TRHDE: variants seen among roughly 807,000 people sequenced by gnomAD.
TRHDE encodes the protein thyrotropin releasing hormone degrading enzyme, also known as thyrotropin-releasing hormone-degrading ectoenzyme.
Under a neutral mutation model 125.7 loss-of-function variants are expected in TRHDE, and 72 were observed. That is an observed-to-expected ratio of 0.57 (90% CI 0.47 to 0.70). The LOEUF (loss-of-function observed/expected upper bound fraction) is 0.70, where lower values mean the gene tolerates loss of function less well. Ranked by LOEUF, TRHDE falls within the 30% of genes least tolerant of loss-of-function variation. The pLI, the probability that TRHDE is intolerant of heterozygous loss-of-function variation, is 0.00. For synonymous variants in TRHDE, 509 were observed against 509.1 expected (o/e 1.00, Z 0.00); for missense variants, 1,110 against 1,327.1 (o/e 0.84, Z 2.54).
chr12:72,210,171 G>GATCTATCTATCTATCTATCT (rs3086840), intron 2 of TRHDE, among the ~76,000 whole-genome samples: 43 of 146,426 alleles, frequency 2.9e-4, no homozygotes, highest in Admixed American at 1.6e-3. Context: ...CTATAAGATT[G>GATCTATCTATCTATCTATCT]ATCTATCTAT....
In TRHDE at chr12:72,537,703, G is replaced by A. The variant is rs79720711; in HGVS notation, c.1723-4588G>A. ...ATGGGTTACTTCAAACCTACTTCCA[G>A]TCTTTCCAACTCATGTTATCTTCAG... On this transcript the variant is annotated intron_variant, in intron 6 of 18. Coordinates refer to ENST00000261180, the MANE Select transcript of TRHDE (RefSeq NM_013381.3). 2.2e-3 allele frequency among the ~76,000 whole-genome samples: 337 copies of A among 152,018 alleles called. 2 individuals are homozygous for A. The highest frequency in any genetic ancestry group is 7.6e-3 in the African/African-American group (316 of 41,500).
intron 2 of TRHDE, among the ~76,000 whole-genome samples, chr12:72,160,456 G>A (rs528887048): frequency 6.8e-4 from 103 of 152,174 alleles, no homozygotes; most frequent in African/African-American, 2.3e-3. Context: ...AGGCCAAGGC[G>A]CGTGGATCAC....
At chr12:72,442,358 A>G (rs1374577724) in intron 3 of TRHDE, among the ~76,000 whole-genome samples, 6 of 151,898 alleles carry the variant, frequency 4.0e-5, no homozygotes, top group African/African-American at 1.2e-4. Flanking sequence ...TTTGCAATCT[A>G]TGGAAGATTT....
intron 12 of TRHDE, among the ~76,000 whole-genome samples, chr12:72,611,609 G>A (rs74105931): frequency 0.015 from 2,315 of 152,198 alleles, 60 homozygotes; most frequent in African/African-American, 0.052. Flanking sequence ...CAAAGCTAGG[G>A]GTGAGGGTGA....
chr12:72,588,250 A>G (rs1871525240), intron 12 of TRHDE, among the ~76,000 whole-genome samples: 1 of 152,168 alleles, frequency 6.6e-6, no homozygotes, highest in African/African-American at 2.4e-5. Context: ...GTACATTTGG[A>G]AAAGAGTTAT....
chr12:72,512,278 G>A (rs1878610072), intron 6 of TRHDE, among the ~76,000 whole-genome samples: 1 of 150,876 alleles, frequency 6.6e-6, no homozygotes, highest in Admixed American at 6.7e-5. Flanking sequence ...TATGCAAAAA[G>A]CTTAGTTCTA....
chr12:72,211,310 G>A (rs1405007350), intron 2 of TRHDE, among the ~76,000 whole-genome samples: 2 of 152,164 alleles, frequency 1.3e-5, no homozygotes, highest in Admixed American at 1.3e-4. Flanking sequence ...TCTGGTTGAA[G>A]GGACTTACTT....
chr12:72,117,942 A>G (rs1354592081), intron 2 of TRHDE, among the ~76,000 whole-genome samples: 1 of 146,390 alleles, frequency 6.8e-6, no homozygotes, highest in Non-Finnish European at 1.5e-5. Flanking sequence ...ACTTTACTGC[A>G]TTTTTTTTTC....
At chr12:72,482,683 T>C (rs1877226866) in intron 5 of TRHDE, among the ~76,000 whole-genome samples, 2 of 151,908 alleles carry the variant, frequency 1.3e-5, no homozygotes, top group Admixed American at 1.3e-4. Flanking sequence ...TGGTGGAATA[T>C]TTTCATCTAA....
intron 3 of TRHDE, among the ~76,000 whole-genome samples, chr12:72,443,194 G>C (rs1164173687): frequency 5.7e-5 from 3 of 52,832 alleles, no homozygotes; most frequent in African/African-American, 2.7e-4. Flanking sequence ...CTTCTTTCCT[G>C]TGTGTGTGTG....
intron 18 of TRHDE, 72 bp from the exon 19 acceptor site, chr12:72,662,980 T>C: frequency 6.9e-7 from 1 of 1,441,684 alleles, no homozygotes; most frequent in South Asian, 1.3e-5. Flanking sequence ...AAATAGATTC[T>C]TGTTCATGTT....
At chr12:72,169,953 C>T (rs1405720546) in intron 2 of TRHDE, among the ~76,000 whole-genome samples, 3 of 152,096 alleles carry the variant, frequency 2.0e-5, no homozygotes, top group African/African-American at 7.2e-5. Flanking sequence ...AAGAAAAAGC[C>T]AGAGAATCAC....
At chr12:72,383,868 C>G (rs1334927167) in intron 3 of TRHDE, among the ~76,000 whole-genome samples, 2 of 151,984 alleles carry the variant, frequency 1.3e-5, no homozygotes, top group African/African-American at 2.4e-5. Flanking sequence ...GAAATGGATT[C>G]CAGAAATTTA....
intron 3 of TRHDE, among the ~76,000 whole-genome samples, chr12:72,414,333 A>G (rs1187046262): frequency 2.0e-5 from 3 of 152,088 alleles, no homozygotes; most frequent in Non-Finnish European, 4.4e-5. Flanking sequence ...TGAAAGACTA[A>G]TGGAGACAAG....
chr12:72,460,970 T>G (rs75840789), intron 3 of TRHDE, among the ~76,000 whole-genome samples: 1 of 152,242 alleles, frequency 6.6e-6, no homozygotes, highest in Non-Finnish European at 1.5e-5. Flanking sequence ...TCCATTGCAA[T>G]TGACAGTAAT....
At chr12:72,395,694 C>G (rs1264715676) in intron 3 of TRHDE, among the ~76,000 whole-genome samples, 1 of 152,096 alleles carries the variant, frequency 6.6e-6, no homozygotes. Context: ...TTGTTAAATC[C>G]TACTCTATGC....
chr12:72,457,451 A>G lies in TRHDE; in HGVS notation c.1316-12307A>G, dbSNP rs372103667. 3.9e-5 allele frequency among the ~76,000 whole-genome samples: 6 copies of G among 152,266 alleles called. No homozygotes were observed. In the South Asian group the frequency reaches 1.2e-3, roughly 32 times the overall value. On this transcript the variant is annotated intron_variant, in intron 3 of 18. Transcript: ENST00000261180. ...AATTTCAGTATCTCCTGTTTATACA[A>G]CTAGCTCTCTGATAATCCATTCATT...
At chr12:72,382,168 A>G (rs1416530614) in intron 3 of TRHDE, among the ~76,000 whole-genome samples, 1 of 152,198 alleles carries the variant, frequency 6.6e-6, no homozygotes, top group Non-Finnish European at 1.5e-5. Flanking sequence ...AAGTGGGGAA[A>G]GCATTTCAAA....
chr12:72,434,121 A>C (rs993984781), intron 3 of TRHDE, among the ~76,000 whole-genome samples: 2 of 152,152 alleles, frequency 1.3e-5, no homozygotes, highest in Non-Finnish European at 2.9e-5. Flanking sequence ...ACAGTGGCTC[A>C]CGCCTATAGT....
Sources: gnomAD v4.1 joint callset for allele counts (sites outside exome capture counted in the v4.1 genomes callset) on GRCh38, gnomAD v4.1.1 for gene constraint, MANE v1.5 for transcripts, NCBI Gene and HGNC (gene_info 2026-07-23, HGNC 2026-07-21) for gene names.